USP7: variants seen among roughly 807,000 people sequenced by gnomAD.
The protein encoded by USP7 is ubiquitin specific peptidase 7, also known as ubiquitin C-terminal hydrolase 7.
In USP7, 9 loss-of-function variants were observed where a neutral mutation model predicts 162.9. That is an observed-to-expected ratio of 0.06 (90% CI 0.03 to 0.10). The LOEUF (loss-of-function observed/expected upper bound fraction) is 0.10. Among genes scored for constraint, USP7 ranks in the 10% least tolerant of loss-of-function variants. The pLI is 1.00. For synonymous variants in USP7, 562 were observed against 475.9 expected, an observed-to-expected ratio of 1.18 and a Z score of -2.35; for missense variants, 715 against 1,373.7, an observed-to-expected ratio of 0.52 and a Z score of 7.58.
At chr16:8,922,221 G>T (rs1028175318) in intron 3 of USP7, among the ~76,000 whole-genome samples, 1 of 152,220 alleles carries the variant, frequency 6.6e-6, no homozygotes, top group Non-Finnish European at 1.5e-5. Context: ...AGGTGCGCTG[G>T]CTCACGCCTG....
intron 1 of USP7, among the ~76,000 whole-genome samples, chr16:8,940,563 CAGAA>C (rs1020850617): frequency 6.6e-6 from 1 of 152,164 alleles, no homozygotes; most frequent in African/African-American, 2.4e-5. Context: ...GCCCCTGCAT[CAGAA>C]AGGGAGAGGT....
rs572165287 is a variant in USP7, at chr16:8,963,087, G to C, written c.79+120C>G. 1.5e-5 allele frequency: 14 copies of C among 922,172 alleles called. No homozygotes were observed. In the East Asian group the frequency reaches 5.9e-4, roughly 39 times the overall value. The allele number at this position is 922,172 out of a possible 1,614,324, so 57.1% of individuals were successfully genotyped here. On this transcript the variant is annotated intron_variant, in intron 1 of 30. Transcript: ENST00000344836. ...GCCGGGGCCGGGAGGCCAGGCCGAG[G>C]CCCGGCGGCCGCCCGGGGCCTGGTT...
chr16:8,906,717 G>A, intron 12 of USP7, 135 bp from the exon 13 acceptor site: 2 of 819,600 alleles, frequency 2.4e-6, no homozygotes, highest in Non-Finnish European at 3.7e-6. Context: ...GAAGGCCTAT[G>A]AAGTACATAA....
intron 1 of USP7, among the ~76,000 whole-genome samples, chr16:8,956,594 A>G (rs80159161): frequency 0.02 from 3,007 of 152,198 alleles, 104 homozygotes; most frequent in African/African-American, 0.069. Flanking sequence ...GTGAAACGCC[A>G]TCTCTACTAA....
At chr16:8,961,874 A>T (rs1567252829) in intron 1 of USP7, among the ~76,000 whole-genome samples, 1 of 152,226 alleles carries the variant, frequency 6.6e-6, no homozygotes, top group Admixed American at 6.5e-5. Flanking sequence ...CAAGTGAAAC[A>T]GATAACCCAG....
chr16:8,915,434 T>C lies in USP7; in HGVS notation c.987+11A>G, dbSNP rs2062013329. On this transcript the variant is annotated intron_variant, in intron 9 of 30. Transcript: ENST00000344836. ...TTTAAAAATCATCTTTTAGAACTGG[T>C]AGCCACATACCACCATTTTGCCGCG... is the stretch of plus-strand genomic sequence containing the variant. The C allele has an allele frequency of 6.2e-7, 1 of 1,613,864 alleles. No individual in the cohort carries two copies. The highest frequency in any genetic ancestry group is 8.5e-7 in the Non-Finnish European group (1 of 1,179,994).
rs199887318 is a variant in USP7 at position 8,894,644 on chromosome 16, A to C, written c.3112-4T>G. The stretch of plus-strand genomic sequence containing the variant: ...TCATTACAATTGCAAATTTAAACTA[A>C]AAGAAAAAAAATTAAAACTCCTCCG... On this transcript the variant is annotated splice_region_variant and splice_polypyrimidine_tract_variant and intron_variant, in intron 29 of 30. Transcript: ENST00000344836. 35 of 1,612,940 alleles carry C rather than the reference A, an allele frequency of 2.2e-5. No individual in the cohort carries two copies. The African/African-American group carries it at 3.6e-4, about 17-fold the overall frequency.
Position 8,915,538 on chromosome 16 carries a change from G to A in USP7, c.907-13C>T. ...CATTATCGAGCAACTGAAAAAGAAT[G>A]TTTTGGCTTTAAAAAAACTTTTTTG... On this transcript the variant is annotated splice_polypyrimidine_tract_variant and intron_variant, in intron 8 of 30. Coordinates refer to ENST00000344836, the MANE Select transcript of USP7 (RefSeq NM_003470.3). The A allele has an allele frequency of 6.2e-7, 1 of 1,611,140 alleles. No individual in the cohort carries two copies. Among genetic ancestry groups the A allele is most frequent in the East Asian group, 2.2e-5 (1 of 44,832 alleles).
rs1401368514 is a variant in USP7, at chr16:8,908,314, T to A, written c.1271+27A>T. ...CCTAGACCAGCATGATGATGAAATC[T>A]TAACTTTATATCCCACTATAGATTA... On this transcript the variant is annotated intron_variant, in intron 12 of 30. Coordinates refer to ENST00000344836, the MANE Select transcript of USP7 (RefSeq NM_003470.3). The A allele has an allele frequency of 3.2e-6, 5 of 1,579,478 alleles. No individual in the cohort carries two copies. The Admixed American group carries it at 8.3e-5, about 26-fold the overall frequency.
At chr16:8,909,758 T>C (rs1029730807) in intron 11 of USP7, among the ~76,000 whole-genome samples, 1 of 152,164 alleles carries the variant, frequency 6.6e-6, no homozygotes, top group Non-Finnish European at 1.5e-5. Flanking sequence ...AAACCCCATC[T>C]CTACTAAAAA....
intron 12 of USP7, 79 bp downstream of exon 12, chr16:8,908,262 G>T: frequency 1.7e-6 from 2 of 1,158,906 alleles, no homozygotes; most frequent in South Asian, 1.3e-5. Flanking sequence ...AAAATATAAA[G>T]ACTGAGGAAA....
intron 10 of USP7, among the ~76,000 whole-genome samples, chr16:8,913,399 AGT>A (rs2061979103): frequency 6.6e-6 from 1 of 152,012 alleles, no homozygotes; most frequent in Non-Finnish European, 1.5e-5. Context: ...AGAGAAGTGA[AGT>A]GAAGCGAAGC....
At chr16:8,901,583 C>T (rs1234870681) in intron 18 of USP7, among the ~76,000 whole-genome samples, 2 of 152,068 alleles carry the variant, frequency 1.3e-5, no homozygotes, top group African/African-American at 2.4e-5. Flanking sequence ...GGTCTTGTGT[C>T]TTTGCCAGAA....
intron 1 of USP7, among the ~76,000 whole-genome samples, chr16:8,962,212 C>T (rs1193649309): frequency 6.6e-6 from 1 of 152,192 alleles, no homozygotes; most frequent in African/African-American, 2.4e-5. Context: ...CATTCCACGC[C>T]GTTTTCATTC....
chr16:8,962,326 G>C (rs1038516170), intron 1 of USP7: 2 of 180,464 alleles, frequency 1.1e-5, no homozygotes, highest in African/African-American at 4.7e-5. Flanking sequence ...AATGGGTCGT[G>C]AGAAAAAGTG....
At position 8,917,037 on chromosome 16, in the gene USP7, T is replaced by C. The variant is rs764946216; in HGVS notation, c.840A>G (p.Thr280=). ...TGTCTAATACATACCCAAATGACTT[T>C]GTTAACTTTTTTGTTCCTACAGGTT... ...SDKPVGTKKL[T]KSFGWETLDS... is the part of the protein sequence containing the mutation. Residue 280 remains threonine (T), a synonymous_variant, in exon 7 of 31, where the codon ACA becomes ACG. Transcript: ENST00000344836. The C allele has an allele frequency of 6.2e-7, 1 of 1,605,128 alleles. No homozygotes were observed. The highest frequency in any genetic ancestry group is 1.3e-5 in the African/African-American group (1 of 74,400).
Position 8,905,168 on chromosome 16 carries a change from A to G in USP7, c.1573+19T>C, listed in dbSNP as rs1018156891. The G allele has an allele frequency of 1.2e-6, 2 of 1,610,458 alleles. No individual in the cohort carries two copies. Among genetic ancestry groups the G allele is most frequent in the African/African-American group, 2.7e-5 (2 of 74,880 alleles). On this transcript the variant is annotated intron_variant, in intron 14 of 30. Coordinates refer to ENST00000344836, the MANE Select transcript of USP7 (RefSeq NM_003470.3). ...AGTCCACCACAGTAAAGAACAGAAC[A>G]AAAGTGAACACTACTCACTCAGTTT...
At chr16:8,923,005 T>G (rs1463159014) in intron 3 of USP7, among the ~76,000 whole-genome samples, 1 of 152,244 alleles carries the variant, frequency 6.6e-6, no homozygotes, top group Non-Finnish European at 1.5e-5. Context: ...GGCTGGTAGA[T>G]TCTAACAAAC....
chr16:8,923,540 A>C, intron 2 of USP7, 127 bp from the exon 3 acceptor site: 1 of 968,704 alleles, frequency 1.0e-6, no homozygotes, highest in Non-Finnish European at 1.5e-6. Context: ...GTTTGAAAAA[A>C]TTGCTTCCAA....
Sources: allele counts gnomAD v4.1 joint callset (sites outside exome capture counted in the v4.1 genomes callset), GRCh38; gene constraint gnomAD v4.1.1; transcripts MANE v1.5; gene names NCBI Gene and HGNC (gene_info 2026-07-23, HGNC 2026-07-21).